The following NRG2 variants were observed in gnomAD, a reference collection of about 807,000 sequenced individuals.
NRG2 encodes neuregulin 2, also known as pro-neuregulin-2, membrane-bound isoform.
Under a neutral mutation model 73.9 loss-of-function variants are expected in NRG2, and 27 were observed. The observed-to-expected ratio is 0.37, with a 90% CI of 0.27 to 0.50. The LOEUF (loss-of-function observed/expected upper bound fraction) is 0.50. Ranked by LOEUF, NRG2 falls within the 20% of genes least tolerant of loss-of-function variation. The pLI, the probability that NRG2 is intolerant of heterozygous loss-of-function variation, is 0.96. For missense variants in NRG2, 1,126 were observed against 1,210.1 expected, an observed-to-expected ratio of 0.93 and a Z score of 1.03; for synonymous variants, 532 against 541.0, an observed-to-expected ratio of 0.98 and a Z score of 0.23.
intron 1 of NRG2, among the ~76,000 whole-genome samples, chr5:139,977,789 G>A (rs577402578): frequency 7.2e-5 from 11 of 152,212 alleles, no homozygotes; most frequent in Admixed American, 2.0e-4. Flanking sequence ...AAATAATGCC[G>A]CGTATCTACA....
At chr5:139,883,247 C>T (rs1763650806) in intron 2 of NRG2, among the ~76,000 whole-genome samples, 1 of 141,316 alleles carries the variant, frequency 7.1e-6, no homozygotes, top group African/African-American at 2.6e-5. Context: ...TCCCCCCTAC[C>T]TCCCCAGCTG....
intron 1 of NRG2, among the ~76,000 whole-genome samples, chr5:140,007,255 T>C (rs1460501548): frequency 1.3e-5 from 2 of 152,082 alleles, no homozygotes; most frequent in Non-Finnish European, 2.9e-5. Flanking sequence ...CTCAGGTGGC[T>C]CAAAGATACA....
intron 1 of NRG2, among the ~76,000 whole-genome samples, chr5:139,943,423 C>G (rs1753554917): frequency 1.3e-5 from 2 of 152,190 alleles, no homozygotes; most frequent in Non-Finnish European, 2.9e-5. Flanking sequence ...GCTGGGATTA[C>G]AGGCATGAGC....
At chr5:139,990,030 C>G (rs779990032) in intron 1 of NRG2, among the ~76,000 whole-genome samples, 3 of 151,292 alleles carry the variant, frequency 2.0e-5, no homozygotes, top group African/African-American at 7.3e-5. Context: ...CCTTGTGATC[C>G]GCCCACCTCG....
At chr5:139,987,312 G>A (rs1295211034) in intron 1 of NRG2, among the ~76,000 whole-genome samples, 1 of 144,008 alleles carries the variant, frequency 6.9e-6, no homozygotes, top group Non-Finnish European at 1.5e-5. Context: ...AAGTTGCAGT[G>A]AGCTGAGATC....
intron 1 of NRG2, among the ~76,000 whole-genome samples, chr5:139,947,862 G>C (rs1024872444): frequency 1.3e-5 from 2 of 152,118 alleles, no homozygotes; most frequent in South Asian, 2.1e-4. Flanking sequence ...CTGGAGAAGT[G>C]CCTGTTTAGA....
chr5:139,923,132 G>A (rs1456914610), intron 1 of NRG2, among the ~76,000 whole-genome samples: 3 of 152,112 alleles, frequency 2.0e-5, no homozygotes, highest in Admixed American at 2.0e-4. Context: ...ATCTAGGTTC[G>A]TCAATTGTAA....
intron 1 of NRG2, among the ~76,000 whole-genome samples, chr5:139,928,833 T>C (rs531016612): frequency 6.6e-6 from 1 of 152,152 alleles, no homozygotes; most frequent in Non-Finnish European, 1.5e-5. Flanking sequence ...AAATCCAGAG[T>C]TGTCTCTGAC....
At chr5:140,011,266 T>C (rs1419708437) in intron 1 of NRG2, among the ~76,000 whole-genome samples, 1 of 152,230 alleles carries the variant, frequency 6.6e-6, no homozygotes, top group Non-Finnish European at 1.5e-5. Context: ...CTTAAAACTC[T>C]GTGTCAACTT....
chr5:140,027,189 G>T (rs1224098604), intron 1 of NRG2, among the ~76,000 whole-genome samples: 1 of 152,072 alleles, frequency 6.6e-6, no homozygotes, highest in African/African-American at 2.4e-5. Flanking sequence ...TCCATATGTT[G>T]CCCAAGCTGG....
chr5:140,002,039 C>A (rs1016955346), intron 1 of NRG2, among the ~76,000 whole-genome samples: 1 of 151,878 alleles, frequency 6.6e-6, no homozygotes, highest in East Asian at 1.9e-4. Flanking sequence ...AAAATATTCG[C>A]CGGGCATGGT....
At chr5:139,886,947 G>A (rs1201005897) in intron 2 of NRG2, among the ~76,000 whole-genome samples, 2 of 152,324 alleles carry the variant, frequency 1.3e-5, no homozygotes, top group South Asian at 2.1e-4. Flanking sequence ...ACCTCCCAGA[G>A]GCATTCTGGA....
Position 139,887,399 on chromosome 5 carries a change from G to C in NRG2, c.813C>G (p.Phe271Leu), listed in dbSNP as rs753212789. 7 of 1,614,130 alleles carry C rather than the reference G, an allele frequency of 4.3e-6. No homozygotes were observed. Among genetic ancestry groups the C allele is most frequent in the African/African-American group, 1.3e-5 (1 of 74,948 alleles). ...AGNPQPSYRWFKDGKELNRSR... is the reference protein window; with the variant it reads ...AGNPQPSYRWLKDGKELNRSR... The stretch of plus-strand genomic sequence containing the variant: ...TGCGGTTGAGCTCCTTGCCATCCTT[G>C]AACCAACGGTAGGAAGGCTGGGGAT... The change falls in exon 2 of 10, where the codon TTC becomes TTG. Residue 271 changes from phenylalanine to leucine, a missense_variant. Coordinates refer to ENST00000361474, the MANE Select transcript of NRG2 (RefSeq NM_004883.3). The surrounding 1 kb of genome is among the most constrained non-coding windows in gnomAD (Gnocchi z 4.5).
intron 1 of NRG2, among the ~76,000 whole-genome samples, chr5:139,917,555 T>C (rs1318628182): frequency 2.0e-5 from 3 of 152,198 alleles, no homozygotes; most frequent in African/African-American, 7.2e-5. Flanking sequence ...CCCAGCCTTA[T>C]TATTGTTTTG....
chr5:139,982,625 G>A (rs1232783906), intron 1 of NRG2, among the ~76,000 whole-genome samples: 1 of 152,194 alleles, frequency 6.6e-6, no homozygotes, highest in East Asian at 1.9e-4. Context: ...GCGAGTTTCC[G>A]GTTCTTTGAG....
chr5:139,907,132 T>G, intron 1 of NRG2, among the ~76,000 whole-genome samples: 1 of 151,378 alleles, frequency 6.6e-6, no homozygotes, highest in East Asian at 1.9e-4. Context: ...ACACGTGGGG[T>G]TTGTGGGAGG....
At chr5:139,970,273 A>G (rs1370257831) in intron 1 of NRG2, among the ~76,000 whole-genome samples, 2 of 152,146 alleles carry the variant, frequency 1.3e-5, no homozygotes, top group African/African-American at 4.8e-5. Context: ...CTGGATATTC[A>G]TTTGGTTCTA....
At chr5:140,023,829 C>T (rs1274246928) in intron 1 of NRG2, among the ~76,000 whole-genome samples, 2 of 152,140 alleles carry the variant, frequency 1.3e-5, no homozygotes, top group African/African-American at 2.4e-5. Flanking sequence ...TGTTGACAAA[C>T]GCCAACAATC....
chr5:139,904,795 G>T lies in NRG2; in HGVS notation c.701-17284C>A, dbSNP rs1233995406. On this transcript the variant is annotated intron_variant, in intron 1 of 9. Coordinates refer to ENST00000361474, the MANE Select transcript of NRG2 (RefSeq NM_004883.3). This position sits in a 1 kb window ranked among gnomAD's most constrained non-coding sequence, Gnocchi z 6.0. ...GCCAGGCTAAGGACAGCATGGGGGT[G>T]GGGAGACAGCGAGGAAAGGGCCCAG... Among the ~76,000 whole-genome samples the T allele has an allele frequency of 6.6e-6, 1 of 152,168 alleles. No individual in the cohort carries two copies. Among genetic ancestry groups the T allele is most frequent in the Non-Finnish European group, 1.5e-5 (1 of 68,022 alleles).
Sources: allele counts gnomAD v4.1 joint callset (sites outside exome capture counted in the v4.1 genomes callset), GRCh38; gene constraint gnomAD v4.1.1; non-coding constraint Gnocchi (gnomAD v3.1); transcripts MANE v1.5; gene names NCBI Gene and HGNC (gene_info 2026-07-23, HGNC 2026-07-21).